Variants in FHIT observed in about 807,000 individuals in gnomAD.
FHIT encodes bis(5'-adenosyl)-triphosphatase.
Under a neutral mutation model 17.9 loss-of-function variants are expected in FHIT, and 19 were observed. That is an observed-to-expected ratio of 1.06 (90% CI 0.74 to 1.56). The LOEUF (loss-of-function observed/expected upper bound fraction) is 1.56, where lower values mean the gene tolerates loss of function less well. FHIT is among the 40% of genes most tolerant of loss of function. The pLI, the probability that FHIT is intolerant of heterozygous loss-of-function variation, is 0.00. For missense variants in FHIT, 248 were observed against 189.2 expected (o/e 1.31, Z -1.82); for synonymous variants, 81 against 69.7 (o/e 1.16, Z -0.81).
intron 7 of FHIT, among the ~76,000 whole-genome samples, chr3:59,999,335 G>A (rs1351259054): frequency 6.6e-6 from 1 of 152,066 alleles, no homozygotes; most frequent in Admixed American, 6.6e-5. Flanking sequence ...CACCACCATC[G>A]TTAAAGTTAA....
intron 4 of FHIT, among the ~76,000 whole-genome samples, chr3:60,573,674 C>T (rs1553656546): frequency 6.6e-6 from 1 of 152,170 alleles, no homozygotes; most frequent in Non-Finnish European, 1.5e-5. Flanking sequence ...GCAGCTGCCT[C>T]CGTTCAAGGC....
chr3:60,594,666 CCTTTT>C (rs2038201491), intron 4 of FHIT, among the ~76,000 whole-genome samples: 2 of 152,102 alleles, frequency 1.3e-5, no homozygotes, highest in Admixed American at 6.6e-5. Flanking sequence ...TCCCCTACTT[CCTTTT>C]GAGTCTTCAC....
At chr3:60,609,319 T>G (rs2107728524) in intron 4 of FHIT, among the ~76,000 whole-genome samples, 1 of 140,872 alleles carries the variant, frequency 7.1e-6, no homozygotes, top group Admixed American at 7.1e-5. Context: ...AGCCTTTTGC[T>G]TCCTTTTTTA....
chr3:60,182,970 A>G (rs1702006188), intron 5 of FHIT, among the ~76,000 whole-genome samples: 2 of 152,006 alleles, frequency 1.3e-5, no homozygotes, highest in African/African-American at 4.8e-5. Flanking sequence ...CCTTTAAAAG[A>G]TATTCTGTCC....
chr3:59,757,204 C>T (rs550137769), intron 8 of FHIT, among the ~76,000 whole-genome samples: 4 of 152,312 alleles, frequency 2.6e-5, no homozygotes, highest in Admixed American at 1.3e-4. Context: ...AAGTGCACGC[C>T]AAAGTGACAA....
At chr3:60,027,663 G>C (rs1330788534) in intron 5 of FHIT, among the ~76,000 whole-genome samples, 1 of 151,028 alleles carries the variant, frequency 6.6e-6, no homozygotes, top group African/African-American at 2.4e-5. Flanking sequence ...AAAACCACAA[G>C]CGTTCTCCCT....
intron 2 of FHIT, among the ~76,000 whole-genome samples, chr3:61,085,297 C>T (rs1359172618): frequency 6.6e-6 from 1 of 152,142 alleles, no homozygotes; most frequent in Non-Finnish European, 1.5e-5. Flanking sequence ...TCCATATCTT[C>T]ACCAGCACTT....
intron 5 of FHIT, among the ~76,000 whole-genome samples, chr3:60,173,900 TATATATA>T (rs1559698525): frequency 7.9e-5 from 6 of 76,008 alleles, no homozygotes; most frequent in East Asian, 1.4e-3. Context: ...TATATATATA[TATATATA>T]TATATATATG....
At chr3:60,962,748 G>C (rs1275163888) in intron 3 of FHIT, among the ~76,000 whole-genome samples, 3 of 152,140 alleles carry the variant, frequency 2.0e-5, no homozygotes, top group African/African-American at 7.2e-5. Flanking sequence ...ATTTGCGTAT[G>C]TGAACCAGCC....
At chr3:59,847,275 C>G (rs1701757563) in intron 8 of FHIT, among the ~76,000 whole-genome samples, 1 of 151,564 alleles carries the variant, frequency 6.6e-6, no homozygotes, top group Non-Finnish European at 1.5e-5. Context: ...CTTTCTTCAA[C>G]TTTTTTTTTC....
chr3:60,373,575 T>TA (rs1457941086), intron 5 of FHIT, among the ~76,000 whole-genome samples: 31 of 151,896 alleles, frequency 2.0e-4, no homozygotes, highest in African/African-American at 7.5e-4. Context: ...ATGGACATGA[T>TA]CAGGTTGAGT....
chr3:59,956,366 G>GTT (rs201210717), intron 7 of FHIT, among the ~76,000 whole-genome samples: 4,000 of 152,024 alleles, frequency 0.026, 196 homozygotes, highest in African/African-American at 0.092. Context: ...AGACCTATTT[G>GTT]CCAAAAAAGA....
intron 8 of FHIT, among the ~76,000 whole-genome samples, chr3:59,831,144 A>C (rs554895419): frequency 6.6e-6 from 1 of 152,202 alleles, no homozygotes; most frequent in Non-Finnish European, 1.5e-5. Flanking sequence ...GAGCTGAAAC[A>C]GTGTGCCTGA....
intron 5 of FHIT, among the ~76,000 whole-genome samples, chr3:60,356,972 T>A (rs1699694061): frequency 6.6e-6 from 1 of 152,118 alleles, no homozygotes; most frequent in Non-Finnish European, 1.5e-5. Flanking sequence ...TCAGCACAAA[T>A]TCAACCAATG....
At chr3:60,108,721 T>C (rs1167018970) in intron 5 of FHIT, among the ~76,000 whole-genome samples, 1 of 151,500 alleles carries the variant, frequency 6.6e-6, no homozygotes, top group African/African-American at 2.4e-5. Context: ...AGGAGTCCAA[T>C]GGCTTGACCT....
intron 5 of FHIT, among the ~76,000 whole-genome samples, chr3:60,289,146 T>A (rs969855209): frequency 1.3e-5 from 2 of 152,206 alleles, no homozygotes; most frequent in African/African-American, 4.8e-5. Flanking sequence ...GAAAGAAGAA[T>A]AAGAAGACCA....
intron 5 of FHIT, among the ~76,000 whole-genome samples, chr3:60,440,323 A>G (rs1366383967): frequency 6.6e-6 from 1 of 152,098 alleles, no homozygotes; most frequent in African/African-American, 2.4e-5. Flanking sequence ...TGTCATTCTG[A>G]GTGCCCTGTT....
intron 5 of FHIT, among the ~76,000 whole-genome samples, chr3:60,441,785 T>TATATATATATATTTATATATATAAAAA (rs2030879530): frequency 1.3e-5 from 1 of 75,394 alleles, no homozygotes; most frequent in African/African-American, 7.2e-5. Flanking sequence ...TGTATAAAAA[T>TATATATATATATTTATATATATAAAAA]ATATATATAT....
intron 4 of FHIT, among the ~76,000 whole-genome samples, chr3:60,683,613 G>A (rs533796229): frequency 2.4e-3 from 358 of 152,224 alleles, no homozygotes; most frequent in Non-Finnish European, 3.1e-3. Context: ...AAAAAAGTTT[G>A]TGTGCCTTGT....
Sources: allele counts gnomAD v4.1 joint callset (sites outside exome capture counted in the v4.1 genomes callset), GRCh38; gene constraint gnomAD v4.1.1; transcripts MANE v1.5; gene names NCBI Gene and HGNC (gene_info 2026-07-23, HGNC 2026-07-21).